The following CSMD1 variants were observed in gnomAD, a reference collection of about 807,000 sequenced individuals.
The protein encoded by CSMD1 is CUB and Sushi multiple domains 1.
A neutral mutation model predicts 417.5 loss-of-function variants in CSMD1; 213 were observed. That is an observed-to-expected ratio of 0.51 (90% CI 0.46 to 0.57). The LOEUF (loss-of-function observed/expected upper bound fraction) is 0.57, where lower values mean the gene tolerates loss of function less well. Ranked by LOEUF, CSMD1 falls within the 20% of genes least tolerant of loss-of-function variation. The probability of loss-of-function intolerance (pLI) is 0.00; values close to 1 mark genes in which losing one functional copy is unlikely to be tolerated. For missense variants in CSMD1, 6,923 were observed against 4,529.7 expected (o/e 1.53, Z -15.17); for synonymous variants, 2,862 against 1,736.8 (o/e 1.65, Z -16.11).
chr8:3,453,138 G>C (rs185985021), intron 12 of CSMD1, among the ~76,000 whole-genome samples: 405 of 152,266 alleles, frequency 2.7e-3, no homozygotes, highest in African/African-American at 9.3e-3. Flanking sequence ...ATGGTAGTTT[G>C]TATTTCCATG....
At chr8:4,300,484 T>TC (rs1358497311) in intron 3 of CSMD1, among the ~76,000 whole-genome samples, 2 of 152,244 alleles carry the variant, frequency 1.3e-5, no homozygotes, top group Non-Finnish European at 2.9e-5. Flanking sequence ...ATAAATACAG[T>TC]CTTCTTAACG....
chr8:4,608,112 G>A (rs1452469006), intron 2 of CSMD1, among the ~76,000 whole-genome samples: 1 of 152,220 alleles, frequency 6.6e-6, no homozygotes, highest in Non-Finnish European at 1.5e-5. Flanking sequence ...AAGGTGACCA[G>A]TGTCCCTGGT....
chr8:3,533,775 T>C (rs1798075836), intron 10 of CSMD1, among the ~76,000 whole-genome samples: 2 of 152,170 alleles, frequency 1.3e-5, no homozygotes, highest in Admixed American at 1.3e-4. Flanking sequence ...CTTTCCTTAC[T>C]CTTGTAACTA....
At chr8:4,977,954 G>C (rs1448119672) in intron 1 of CSMD1, among the ~76,000 whole-genome samples, 1 of 152,172 alleles carries the variant, frequency 6.6e-6, no homozygotes, top group Non-Finnish European at 1.5e-5. Flanking sequence ...TTGTTGCTGA[G>C]GGTCCTGCAC....
intron 1 of CSMD1, among the ~76,000 whole-genome samples, chr8:4,916,065 G>A (rs1444223830): frequency 6.6e-6 from 1 of 152,202 alleles, no homozygotes; most frequent in Non-Finnish European, 1.5e-5. Flanking sequence ...GGCAACGCCA[G>A]CACTTCAGAT....
chr8:4,736,532 A>C (rs1810247392), intron 1 of CSMD1, among the ~76,000 whole-genome samples: 2 of 152,190 alleles, frequency 1.3e-5, no homozygotes, highest in Non-Finnish European at 1.5e-5. Flanking sequence ...CCATGACAGC[A>C]TGACAGCTGC....
intron 3 of CSMD1, among the ~76,000 whole-genome samples, chr8:4,359,145 AG>A (rs1353682204): frequency 6.6e-6 from 1 of 152,216 alleles, no homozygotes; most frequent in Non-Finnish European, 1.5e-5. Flanking sequence ...GTTGTAGCCC[AG>A]TTCGGTCACT....
intron 23 of CSMD1, among the ~76,000 whole-genome samples, chr8:3,312,434 T>A (rs1805421133): frequency 6.6e-6 from 1 of 152,204 alleles, no homozygotes. Context: ...GCTTGTGTGA[T>A]GTCTTTTTAT....
chr8:4,183,003 G>A (rs1459470404), intron 3 of CSMD1, among the ~76,000 whole-genome samples: 1 of 152,126 alleles, frequency 6.6e-6, no homozygotes, highest in Admixed American at 6.6e-5. Flanking sequence ...TTCAAGTAAA[G>A]AGTAATTACA....
chr8:3,408,599 C>T (rs1410773503), intron 13 of CSMD1, among the ~76,000 whole-genome samples: 1 of 152,022 alleles, frequency 6.6e-6, no homozygotes, highest in East Asian at 1.9e-4. Context: ...AACAATTCAG[C>T]CTGCTCTTTC....
At chr8:4,633,360 C>A (rs1802642969) in intron 2 of CSMD1, among the ~76,000 whole-genome samples, 1 of 151,840 alleles carries the variant, frequency 6.6e-6, no homozygotes, top group Non-Finnish European at 1.5e-5. Context: ...CAGTCTCCTG[C>A]CTCACCCTCC....
intron 37 of CSMD1, among the ~76,000 whole-genome samples, chr8:3,166,594 T>C (rs974046683): frequency 1.3e-5 from 2 of 152,122 alleles, no homozygotes; most frequent in East Asian, 1.9e-4. Context: ...TTTCCTGAAG[T>C]GTTTTAGAAG....
In CSMD1 at chr8:3,308,426, C is replaced by T. The variant is rs373923214; in HGVS notation, c.3709G>A (p.Asp1237Asn). The T allele has an allele frequency of 5.0e-5, 80 of 1,613,680 alleles. No individual in the cohort carries two copies. The highest frequency in any genetic ancestry group is 1.6e-4 in the Middle Eastern group (1 of 6,076). Residue 1237 changes from aspartate to asparagine, a missense_variant, in exon 24 of 70, where the codon GAC becomes AAC. Asp to Asn is a conservative substitution (Grantham distance 23). Transcript: ENST00000635120. ...YRIRDEGHFT[D>N]TVVLYSCNPG... ...TTGCAACTGTACAGAACTACAGTGT[C>T]GGTAAAGTGGCCTTCATCACGGATC...
At chr8:4,507,316 G>C (rs1386368285) in intron 2 of CSMD1, among the ~76,000 whole-genome samples, 1 of 152,110 alleles carries the variant, frequency 6.6e-6, no homozygotes, top group South Asian at 2.1e-4. Context: ...CCTTGTAAAA[G>C]AATAATTGTT....
At chr8:4,182,837 A>C (rs1798453295) in intron 3 of CSMD1, among the ~76,000 whole-genome samples, 2 of 152,204 alleles carry the variant, frequency 1.3e-5, no homozygotes, top group Admixed American at 1.3e-4. Context: ...GGGTCATTCT[A>C]ATTATTGAGA....
At chr8:3,806,280 T>C (rs975712063) in intron 5 of CSMD1, among the ~76,000 whole-genome samples, 1 of 152,170 alleles carries the variant, frequency 6.6e-6, no homozygotes, top group Non-Finnish European at 1.5e-5. Flanking sequence ...CTAGTTTTCA[T>C]TCTGTCTATC....
chr8:4,505,458 G>C (rs1407322786), intron 2 of CSMD1, among the ~76,000 whole-genome samples: 1 of 151,936 alleles, frequency 6.6e-6, no homozygotes, highest in Non-Finnish European at 1.5e-5. Flanking sequence ...GTAATAATTG[G>C]TATTTTATTT....
intron 1 of CSMD1, among the ~76,000 whole-genome samples, chr8:4,841,027 C>T (rs188583514): frequency 2.0e-5 from 3 of 152,314 alleles, no homozygotes; most frequent in East Asian, 3.9e-4. Flanking sequence ...CCCCTGGCTC[C>T]ACCCTGTCAG....
chr8:4,776,842 G>C (rs1431797092), intron 1 of CSMD1, among the ~76,000 whole-genome samples: 1 of 152,090 alleles, frequency 6.6e-6, no homozygotes, highest in Non-Finnish European at 1.5e-5. Context: ...TTCTGATTCT[G>C]GAGCTTCCAT....
Sources: allele counts gnomAD v4.1 joint callset (sites outside exome capture counted in the v4.1 genomes callset), GRCh38; gene constraint gnomAD v4.1.1; transcripts MANE v1.5; gene names NCBI Gene and HGNC (gene_info 2026-07-23, HGNC 2026-07-21).